The following RASGRF2 variants were observed in gnomAD, a reference collection of about 807,000 sequenced individuals.
RASGRF2 encodes the protein Ras protein specific guanine nucleotide releasing factor 2, also known as ras-specific guanine nucleotide-releasing factor 2.
A neutral mutation model predicts 151.0 loss-of-function variants in RASGRF2; 76 were observed. The observed-to-expected ratio is 0.50, with a 90% confidence interval of 0.42 to 0.61. The LOEUF (loss-of-function observed/expected upper bound fraction) is 0.61, where lower values mean the gene tolerates loss of function less well. Ranked by LOEUF, RASGRF2 falls within the 20% of genes least tolerant of loss-of-function variation. RASGRF2 has a pLI of 0.00. For missense variants in RASGRF2, 1,148 were observed against 1,564.6 expected (o/e 0.73, Z 4.49); for synonymous variants, 504 against 566.5 (o/e 0.89, Z 1.57).
chr5:81,052,389 G>T (rs796289523), intron 2 of RASGRF2, among the ~76,000 whole-genome samples: 57 of 152,244 alleles, frequency 3.7e-4, no homozygotes, highest in African/African-American at 1.3e-3. Context: ...CTTTCCACAT[G>T]TCCCAAAGTT....
chr5:81,032,203 C>T (rs10065167), intron 1 of RASGRF2, among the ~76,000 whole-genome samples: 14,781 of 152,122 alleles, frequency 0.097, 1,164 homozygotes, highest in African/African-American at 0.21. Flanking sequence ...GATTCACAGC[C>T]GAATTCTACC....
At chr5:81,168,900 G>A (rs189733322) in intron 17 of RASGRF2, among the ~76,000 whole-genome samples, 1 of 152,238 alleles carries the variant, frequency 6.6e-6, no homozygotes, top group East Asian at 1.9e-4. Context: ...GTCCTCTTGG[G>A]TTCCATGAGA....
chr5:81,072,416 A>T (rs895585282), intron 4 of RASGRF2, among the ~76,000 whole-genome samples: 1 of 152,224 alleles, frequency 6.6e-6, no homozygotes, highest in Non-Finnish European at 1.5e-5. Context: ...TTTAGAACAT[A>T]GTGTGGAAAA....
intron 5 of RASGRF2, among the ~76,000 whole-genome samples, chr5:81,078,761 T>C (rs1250905297): frequency 6.6e-6 from 1 of 152,238 alleles, no homozygotes; most frequent in Admixed American, 6.5e-5. Flanking sequence ...AAGGTAGATG[T>C]ATCCATTAGT....
intron 1 of RASGRF2, among the ~76,000 whole-genome samples, chr5:81,010,749 C>T (rs1341252780): frequency 6.6e-6 from 1 of 151,916 alleles, no homozygotes; most frequent in Non-Finnish European, 1.5e-5. Flanking sequence ...AGAGGCCCAG[C>T]AAAACCATCA....
At chr5:81,140,675 T>C (rs1753864506) in intron 17 of RASGRF2, among the ~76,000 whole-genome samples, 1 of 152,204 alleles carries the variant, frequency 6.6e-6, no homozygotes, top group Non-Finnish European at 1.5e-5. Flanking sequence ...CCAGCTGGCC[T>C]GTCCACCTTC....
intron 1 of RASGRF2, among the ~76,000 whole-genome samples, chr5:80,984,823 G>A (rs1452135188): frequency 6.6e-6 from 1 of 152,158 alleles, no homozygotes; most frequent in African/African-American, 2.4e-5. Context: ...CCACATAATT[G>A]TATTTTCAAT....
At chr5:81,185,061 C>T (rs1035378326) in intron 18 of RASGRF2, among the ~76,000 whole-genome samples, 3 of 152,222 alleles carry the variant, frequency 2.0e-5, no homozygotes, top group African/African-American at 4.8e-5. Context: ...GTGGCTCGGC[C>T]ACCTAAGCAA....
intron 5 of RASGRF2, among the ~76,000 whole-genome samples, chr5:81,078,539 G>A (rs925450627): frequency 3.3e-5 from 5 of 152,172 alleles, no homozygotes; most frequent in African/African-American, 1.2e-4. Flanking sequence ...AACATAATGT[G>A]AAGAGGTGTG....
chr5:81,049,719 A>C (rs1467290244), intron 2 of RASGRF2, among the ~76,000 whole-genome samples: 1 of 152,176 alleles, frequency 6.6e-6, no homozygotes, highest in Non-Finnish European at 1.5e-5. Context: ...AGCTGGCACT[A>C]TCCCCAGGAA....
chr5:81,175,952 T>C (rs1051115115), intron 17 of RASGRF2, among the ~76,000 whole-genome samples: 6 of 152,152 alleles, frequency 3.9e-5, no homozygotes, highest in Admixed American at 3.3e-4. Context: ...AAACCAGATG[T>C]CATCTCTCCA....
chr5:81,031,001 T>C (rs891623977), intron 1 of RASGRF2, among the ~76,000 whole-genome samples: 2 of 152,180 alleles, frequency 1.3e-5, no homozygotes, highest in African/African-American at 2.4e-5. Context: ...GTTGCAATCC[T>C]AGTCTCTGAT....
intron 24 of RASGRF2, among the ~76,000 whole-genome samples, chr5:81,216,164 A>T: frequency 6.6e-6 from 1 of 152,192 alleles, no homozygotes; most frequent in East Asian, 1.9e-4. Flanking sequence ...TACTCATGGC[A>T]TGCAGATTAA....
Position 81,217,704 on chromosome 5 carries a change from G to A in RASGRF2, c.3552+231G>A, listed in dbSNP as rs1755773415. Among the ~76,000 whole-genome samples the A allele has an allele frequency of 3.4e-5, 5 of 146,538 alleles. No homozygotes were observed. In the South Asian group the frequency reaches 1.1e-3, roughly 32 times the overall value. ...ATCAATTCTCTTGCCTCAGCCTCCT[G>A]AATAGCTGGGATTACAGTTGTGTGC... On this transcript the variant is annotated intron_variant, in intron 25 of 26. Coordinates refer to ENST00000265080, the MANE Select transcript of RASGRF2 (RefSeq NM_006909.3).
intron 17 of RASGRF2, among the ~76,000 whole-genome samples, chr5:81,161,701 T>G (rs1451405776): frequency 6.6e-6 from 1 of 152,208 alleles, no homozygotes; most frequent in Non-Finnish European, 1.5e-5. Flanking sequence ...AAATATTGTT[T>G]GTCCCTAGTG....
chr5:81,084,875 A>T (rs959267982), intron 7 of RASGRF2, among the ~76,000 whole-genome samples: 1 of 152,204 alleles, frequency 6.6e-6, no homozygotes, highest in Non-Finnish European at 1.5e-5. Flanking sequence ...CACTGGTCAG[A>T]GCTGGGATTA....
chr5:81,104,614 T>TATGA (rs1189568859), intron 12 of RASGRF2, among the ~76,000 whole-genome samples: 2 of 152,206 alleles, frequency 1.3e-5, no homozygotes, highest in African/African-American at 4.8e-5. Context: ...TCATATTAGG[T>TATGA]ATGAAAAGCC....
intron 2 of RASGRF2, among the ~76,000 whole-genome samples, chr5:81,044,044 G>A (rs1270028177): frequency 1.3e-5 from 2 of 152,138 alleles, no homozygotes; most frequent in Admixed American, 6.5e-5. Flanking sequence ...AGAGGGATTG[G>A]GGCACATTCA....
chr5:81,080,631 A>G lies in RASGRF2; in HGVS notation c.1003A>G (p.Ile335Val). Reference protein sequence around the residue: ...LFDILLPMLNIYQEFVRNHQY... With the variant: ...LFDILLPMLNVYQEFVRNHQY... ...TGATATTTTGCTCCCCATGCTGAAC[A>G]TTTATCAAGAATTTGTGCGTAATCA... The change falls in exon 7 of 27, where the codon ATT (isoleucine) becomes GTT (valine). Residue 335 changes from isoleucine (I) to valine (V), a missense_variant. Ile to Val is a conservative substitution (Grantham distance 29, BLOSUM62 3). Coordinates refer to ENST00000265080, the MANE Select transcript of RASGRF2 (RefSeq NM_006909.3). The G allele has an allele frequency of 3.1e-6, 5 of 1,614,124 alleles. No individual in the cohort carries two copies. The highest frequency in any genetic ancestry group is 4.2e-6 in the Non-Finnish European group (5 of 1,179,988).
Sources: gnomAD v4.1 joint callset for allele counts (sites outside exome capture counted in the v4.1 genomes callset) on GRCh38, gnomAD v4.1.1 for gene constraint, MANE v1.5 for transcripts, NCBI Gene and HGNC (gene_info 2026-07-23, HGNC 2026-07-21) for gene names.